AHI1: variants seen among roughly 807,000 people sequenced by gnomAD.
AHI1 encodes jouberin.
In AHI1, 123 loss-of-function variants were observed where a neutral mutation model predicts 149.3. The ratio of observed to expected loss-of-function variants is 0.82; its 90% CI spans 0.71 to 0.96. The LOEUF (loss-of-function observed/expected upper bound fraction) is 0.96, where lower values mean the gene tolerates loss of function less well. Among genes scored for constraint, AHI1 ranks in the 40% least tolerant of loss-of-function variants. The pLI, the probability that AHI1 is intolerant of heterozygous loss-of-function variation, is 0.00. For missense variants in AHI1, 1,439 were observed against 1,422.7 expected, an observed-to-expected ratio of 1.01 and a Z score of -0.18; for synonymous variants, 475 against 459.8, an observed-to-expected ratio of 1.03 and a Z score of -0.42.
chr6:135,290,657 A>C, intron 27 of AHI1, 132 bp from the exon 28 acceptor site: 1 of 811,292 alleles, frequency 1.2e-6, no homozygotes, highest in South Asian at 1.6e-5. Flanking sequence ...TGACAGAGAA[A>C]AACATCCGGC....
At chr6:135,373,708 C>T (rs1775413773) in intron 23 of AHI1, among the ~76,000 whole-genome samples, 2 of 152,086 alleles carry the variant, frequency 1.3e-5, no homozygotes, top group South Asian at 2.1e-4. Context: ...GAAAGAAGAA[C>T]AAAGACAAAC....
intron 23 of AHI1, among the ~76,000 whole-genome samples, chr6:135,386,118 G>A (rs1481460013): frequency 2.0e-5 from 3 of 152,106 alleles, no homozygotes; most frequent in Non-Finnish European, 4.4e-5. Flanking sequence ...CAGTTCAGAA[G>A]CTGAATACAA....
At chr6:135,417,278 T>A (rs1291312827) in intron 20 of AHI1, among the ~76,000 whole-genome samples, 2 of 152,052 alleles carry the variant, frequency 1.3e-5, no homozygotes, top group African/African-American at 4.8e-5. Flanking sequence ...CTCCCTATAT[T>A]TTCTCTGAGA....
intron 23 of AHI1, among the ~76,000 whole-genome samples, chr6:135,385,471 A>G (rs1048949807): frequency 3.9e-5 from 6 of 152,366 alleles, no homozygotes; most frequent in African/African-American, 1.4e-4. Flanking sequence ...TGATAGGTTA[A>G]GCAAGATAAG....
chr6:135,429,376 T>A (rs1784339149), intron 18 of AHI1, among the ~76,000 whole-genome samples: 1 of 151,692 alleles, frequency 6.6e-6, no homozygotes, highest in African/African-American at 2.4e-5. Flanking sequence ...CATGTTGATT[T>A]TCCCAGAACA....
At chr6:135,347,807 C>A (rs562370925) in intron 24 of AHI1, among the ~76,000 whole-genome samples, 7 of 152,212 alleles carry the variant, frequency 4.6e-5, no homozygotes, top group Admixed American at 3.9e-4. Context: ...TGCTGAAAAC[C>A]AGGATTTATT....
intron 14 of AHI1, among the ~76,000 whole-genome samples, chr6:135,439,948 G>T (rs2614272): frequency 0.83 from 126,011 of 152,166 alleles, 54,410 homozygotes; most frequent in East Asian, 0.97. Context: ...GCAAAAACTG[G>T]CAAAAATCAA....
intron 22 of AHI1, among the ~76,000 whole-genome samples, chr6:135,401,637 A>G (rs1780038736): frequency 6.6e-6 from 1 of 152,228 alleles, no homozygotes; most frequent in South Asian, 2.1e-4. Flanking sequence ...GGATAGCCTC[A>G]TGCAATAGAA....
chr6:135,336,574 G>A (rs1789422731), intron 24 of AHI1, among the ~76,000 whole-genome samples: 1 of 152,186 alleles, frequency 6.6e-6, no homozygotes, highest in South Asian at 2.1e-4. Context: ...CTCCAGCCTA[G>A]ATGACAAAGT....
rs1480575083 is a variant in AHI1, at chr6:135,411,425, GAA to G, written c.2882_2883del (p.Phe961SerfsTer3). 6.2e-7 allele frequency: 1 copy of G among 1,613,836 alleles called. No individual in the cohort carries two copies. Among genetic ancestry groups the G allele is most frequent in the Non-Finnish European group, 8.5e-7 (1 of 1,179,754 alleles). On this transcript the variant is annotated frameshift_variant, in exon 21 of 29. Coordinates refer to ENST00000265602, the MANE Select transcript of AHI1 (RefSeq NM_001134831.2). LOFTEE classifies it high-confidence loss of function. ...TCAGTGTGGACAAATTCATCAATCTGAAAAGAGCCTTGATGGGGTAGTTTTGG... is the reference window on the plus strand; with the variant it reads ...TCAGTGTGGACAAATTCATCAATCTGAAGAGCCTTGATGGGGTAGTTTTGG... ...TCPKLPHQGS[F>X]QIDEFVHTES... is the part of the protein sequence containing the mutation.
At position 135,439,161 on chromosome 6, in the gene AHI1, C is replaced by T. The variant is rs113640393; in HGVS notation, c.1913-663G>A. Among the ~76,000 whole-genome samples, 757 of 152,286 alleles carry T rather than the reference C, an allele frequency of 5.0e-3. 6 individuals are homozygous for T. The highest frequency in any genetic ancestry group is 0.017 in the African/African-American group (710 of 41,554). On this transcript the variant is annotated intron_variant, in intron 14 of 28. Coordinates refer to ENST00000265602, the MANE Select transcript of AHI1 (RefSeq NM_001134831.2). The stretch of plus-strand genomic sequence containing the variant: ...TTAGCAGTTCAGAAATAACAGCAGT[C>T]CCCCCTTATGTGCAGTTTCACCTTC...
At chr6:135,321,575 T>G (rs2128381621) in intron 25 of AHI1, among the ~76,000 whole-genome samples, 1 of 152,284 alleles carries the variant, frequency 6.6e-6, no homozygotes, top group South Asian at 2.1e-4. Flanking sequence ...CAGCATCCGG[T>G]AATCACGAAG....
At chr6:135,288,364 G>A (rs972438704) in intron 28 of AHI1, among the ~76,000 whole-genome samples, 3 of 152,012 alleles carry the variant, frequency 2.0e-5, no homozygotes, top group East Asian at 1.9e-4. Context: ...CTTTGTAGCT[G>A]TAACTTTGAA....
intron 5 of AHI1, among the ~76,000 whole-genome samples, chr6:135,486,033 T>C (rs183568284): frequency 3.9e-5 from 6 of 152,344 alleles, no homozygotes; most frequent in Admixed American, 3.9e-4. Context: ...ATGTGAGAAT[T>C]AGATGAGTTA....
Position 135,457,682 on chromosome 6 carries a change from A to G in AHI1, c.963T>C (p.Asp321=). The change falls in exon 9 of 29, where the codon GAT becomes GAC. Residue 321 remains aspartate (D), a synonymous_variant. Coordinates refer to ENST00000265602, the MANE Select transcript of AHI1 (RefSeq NM_001134831.2). ...CTCGGCTTGTTATTTCATGAACACC[A>G]TCACCATCAACATCTTCATTATTAT... ...VADNNEDVDG[D]GVHEITSRDS... 1.9e-6 allele frequency: 3 copies of G among 1,613,958 alleles called. No individual in the cohort carries two copies. The South Asian group carries it at 3.3e-5, about 18-fold the overall frequency.
rs577923550 is a variant in AHI1, at chr6:135,360,755, T to C, written c.3110-2568A>G. On this transcript the variant is annotated intron_variant, in intron 23 of 28. Coordinates refer to ENST00000265602, the MANE Select transcript of AHI1 (RefSeq NM_001134831.2). The stretch of plus-strand genomic sequence containing the variant: ...AAAATGTTGATGTTAGTATGAAATA[T>C]TTTAAAATCTGCATATATCCGAATG... Among the ~76,000 whole-genome samples the C allele has an allele frequency of 2.0e-5, 3 of 152,360 alleles. No homozygotes were observed. In the East Asian group the frequency reaches 5.8e-4, roughly 29 times the overall value.
In AHI1 at chr6:135,309,483, G is replaced by GTTT. The variant is rs534230013; in HGVS notation, c.3427-8928_3427-8926dup. On this transcript the variant is annotated intron_variant, in intron 26 of 28. Coordinates refer to ENST00000265602, the MANE Select transcript of AHI1 (RefSeq NM_001134831.2). ...TCCTGGGACACAAATAAGCACTTTA[G>GTTT]TTTTTTTTTTTTTTTTGAGACGGAG... Among the ~76,000 whole-genome samples the GTTT allele has an allele frequency of 7.2e-5, 10 of 139,590 alleles. No individual in the cohort carries two copies. The South Asian group carries it at 9.3e-4, about 13-fold the overall frequency. 91.6% of individuals were successfully genotyped at this position (139,590 alleles called of 152,430 possible).
At chr6:135,438,226 A>G (rs1188717738) in intron 15 of AHI1, 149 bp downstream of exon 15, 1 of 659,164 alleles carries the variant, frequency 1.5e-6, no homozygotes, top group East Asian at 3.2e-5. Flanking sequence ...ACTATAATTT[A>G]TGGAATCAGT....
At position 135,381,238 on chromosome 6, in the gene AHI1, T is replaced by C. The variant is rs772275120; in HGVS notation, c.3109+13538A>G. ...CACAAAAAACAAGCTTCACTGATTC[T>C]AAGTTGGCCAAAACAAAACACCTGT... is the stretch of plus-strand genomic sequence containing the variant. On this transcript the variant is annotated intron_variant, in intron 23 of 28. Transcript: ENST00000265602. Among the ~76,000 whole-genome samples, 52 of 152,208 alleles carry C rather than the reference T, an allele frequency of 3.4e-4. 1 individual carries two copies. The highest frequency in any genetic ancestry group is 3.4e-3 in the Middle Eastern group (1 of 294).
Sources: allele counts gnomAD v4.1 joint callset (sites outside exome capture counted in the v4.1 genomes callset), GRCh38; gene constraint gnomAD v4.1.1; transcripts MANE v1.5; gene names NCBI Gene and HGNC (gene_info 2026-07-23, HGNC 2026-07-21).